Variants in CHST15 observed in about 807,000 individuals in gnomAD.
CHST15 encodes the protein carbohydrate sulfotransferase 15, also known as B cell RAG associated protein (GALNAC4S-6ST).
Under a neutral mutation model 53.6 loss-of-function variants are expected in CHST15, and 30 were observed. The ratio of observed to expected loss-of-function variants is 0.56; its 90% confidence interval spans 0.42 to 0.76. The LOEUF (loss-of-function observed/expected upper bound fraction) is 0.76, where lower values mean the gene tolerates loss of function less well. Among genes scored for constraint, CHST15 ranks in the 30% least tolerant of loss-of-function variants. The probability of loss-of-function intolerance (pLI) is 0.00; values close to 1 mark genes in which losing one functional copy is unlikely to be tolerated. For missense variants in CHST15, 627 were observed against 740.5 expected, an observed-to-expected ratio of 0.85 and a Z score of 1.78; for synonymous variants, 296 against 289.8, an observed-to-expected ratio of 1.02 and a Z score of -0.22.
In CHST15 at chr10:124,009,846, C is replaced by T; in HGVS notation, c.*303G>A. The T allele has an allele frequency of 8.4e-7, 1 of 1,187,152 alleles. No homozygotes were observed. The highest frequency in any genetic ancestry group is 1.9e-5 in the South Asian group (1 of 51,566). The allele number at this position is 1,187,152 out of a possible 1,614,324, so 73.5% of individuals were successfully genotyped here. On this transcript the variant is annotated 3_prime_UTR_variant, in exon 8 of 8. Coordinates refer to ENST00000435907, the MANE Select transcript of CHST15 (RefSeq NM_001270764.2). The stretch of plus-strand genomic sequence containing the variant: ...AGGCTGCCTTCCCTAGGTGTTCTCT[C>T]CACACCCAGTGCAGGCCAGCTGGCT...
At chr10:124,060,575 A>G (rs1948537191) in intron 1 of CHST15, among the ~76,000 whole-genome samples, 1 of 149,272 alleles carries the variant, frequency 6.7e-6, no homozygotes, top group Admixed American at 6.6e-5. Flanking sequence ...CAACCCCACC[A>G]GGAGTGTGCA....
At chr10:124,045,112 C>CAAAAAAAAAAAACAAAAAA (rs1947917011) in intron 2 of CHST15, among the ~76,000 whole-genome samples, 193 bp from the exon 3 acceptor site, 1 of 33,800 alleles carries the variant, frequency 3.0e-5, no homozygotes, top group Non-Finnish European at 6.8e-5. Flanking sequence ...CGCCGCCCCA[C>CAAAAAAAAAAAACAAAAAA]AAAAAAAAAA....
At chr10:124,081,380 G>GCA (rs1335888831) in intron 1 of CHST15, among the ~76,000 whole-genome samples, 3 of 146,806 alleles carry the variant, frequency 2.0e-5, no homozygotes, top group Non-Finnish European at 4.6e-5. Context: ...ATGCACGCAT[G>GCA]CACACACACA....
rs58739908 is a variant in CHST15, at chr10:124,066,460, G to GA, written c.-512-19737dup. On this transcript the variant is annotated intron_variant, in intron 1 of 7. Coordinates refer to ENST00000435907, the MANE Select transcript of CHST15 (RefSeq NM_001270764.2). ...CTCTTATGTAACTGGCTGGGGGAAA[G>GA]AAAAAAAAAAACGAGTTTACACGGT... Among the ~76,000 whole-genome samples, 1,758 of 145,784 alleles carry GA rather than the reference G, an allele frequency of 0.012. 66 individuals are homozygous for GA. In the East Asian group the frequency reaches 0.12, roughly 10 times the overall value.
chr10:124,053,227 T>A (rs1948262328), intron 1 of CHST15, among the ~76,000 whole-genome samples: 1 of 152,140 alleles, frequency 6.6e-6, no homozygotes, highest in South Asian at 2.1e-4. Flanking sequence ...GCTACAGGAG[T>A]GACGTATTTC....
At chr10:124,013,313 A>G (rs1371111291) in intron 6 of CHST15, among the ~76,000 whole-genome samples, 2 of 152,196 alleles carry the variant, frequency 1.3e-5, no homozygotes, top group African/African-American at 2.4e-5. Context: ...GGTCAGCCAC[A>G]GCATCTGCAT....
At chr10:124,090,858 G>T (rs1312518541) in intron 1 of CHST15, among the ~76,000 whole-genome samples, 1 of 152,230 alleles carries the variant, frequency 6.6e-6, no homozygotes, top group Non-Finnish European at 1.5e-5. Context: ...TATCCTGGAT[G>T]AATTACCCCT....
rs1350505320 is a variant in CHST15 at position 124,027,791 on chromosome 10, G to A, written c.1191-6379C>T. Among the ~76,000 whole-genome samples the A allele has an allele frequency of 2.0e-5, 3 of 152,168 alleles. No individual in the cohort carries two copies. In the East Asian group the frequency reaches 5.8e-4, roughly 29 times the overall value. On this transcript the variant is annotated intron_variant, in intron 5 of 7. Coordinates refer to ENST00000435907, the MANE Select transcript of CHST15 (RefSeq NM_001270764.2). ...TAAGGAGTTTGCCCATGGTCACGCA[G>A]CCCAGGAAGCTCCAGGGCAGGGCTG...
chr10:124,068,609 T>G (rs1198612483), intron 1 of CHST15, among the ~76,000 whole-genome samples: 2 of 152,242 alleles, frequency 1.3e-5, no homozygotes, highest in Admixed American at 1.3e-4. Flanking sequence ...ATGAATTACT[T>G]TGCTGTCTGT....
chr10:124,020,861 T>G, intron 6 of CHST15: 1 of 1,253,772 alleles, frequency 8.0e-7, no homozygotes, highest in Non-Finnish European at 1.0e-6. Flanking sequence ...TTGAAAATCA[T>G]TGATGGGTAG....
At chr10:124,086,481 T>A (rs576847405) in intron 1 of CHST15, among the ~76,000 whole-genome samples, 279 of 152,312 alleles carry the variant, frequency 1.8e-3, no homozygotes, top group Non-Finnish European at 3.1e-3. Flanking sequence ...CCTTTCCCCA[T>A]GGTAAGGAGG....
At chr10:124,015,961 C>A (rs1458221143) in intron 6 of CHST15, among the ~76,000 whole-genome samples, 2 of 152,212 alleles carry the variant, frequency 1.3e-5, no homozygotes, top group African/African-American at 2.4e-5. Context: ...CACAAACACC[C>A]ACCTGGAGGG....
At chr10:124,083,088 A>C (rs186446792) in intron 1 of CHST15, among the ~76,000 whole-genome samples, 32 of 152,366 alleles carry the variant, frequency 2.1e-4, no homozygotes, top group Non-Finnish European at 4.4e-4. Flanking sequence ...TGGTGTGTGC[A>C]TTACATTTCA....
intron 1 of CHST15, among the ~76,000 whole-genome samples, chr10:124,075,680 T>G (rs948411576): frequency 1.3e-5 from 2 of 152,148 alleles, no homozygotes; most frequent in Non-Finnish European, 2.9e-5. Flanking sequence ...CTCTTCCAAT[T>G]TAAAACCTGA....
intron 5 of CHST15, among the ~76,000 whole-genome samples, chr10:124,034,688 C>A: frequency 8.2e-6 from 1 of 121,582 alleles, no homozygotes; most frequent in Non-Finnish European, 1.7e-5. Context: ...TAACAGGGAC[C>A]CCGGCTCCAC....
chr10:124,023,261 G>C (rs1414427901), intron 5 of CHST15, among the ~76,000 whole-genome samples: 1 of 151,954 alleles, frequency 6.6e-6, no homozygotes, highest in Non-Finnish European at 1.5e-5. Context: ...GAGGTGGGAG[G>C]ATCACTTGAA....
intron 1 of CHST15, among the ~76,000 whole-genome samples, chr10:124,051,841 G>A (rs774555026): frequency 9.2e-5 from 14 of 152,268 alleles, no homozygotes; most frequent in Admixed American, 2.0e-4. Context: ...TTTAGATTAA[G>A]TAATTGAATG....
chr10:124,010,080 A>C lies in CHST15; in HGVS notation c.*69T>G. On this transcript the variant is annotated 3_prime_UTR_variant, in exon 8 of 8. Coordinates refer to ENST00000435907, the MANE Select transcript of CHST15 (RefSeq NM_001270764.2). ...TACCATGAGTGAAACAGTTCCCCGC[A>C]AAGAGATTTGTAAAATCCTGATGAT... The C allele has an allele frequency of 1.2e-6, 2 of 1,609,878 alleles. No homozygotes were observed. Among genetic ancestry groups the C allele is most frequent in the Non-Finnish European group, 1.7e-6 (2 of 1,178,688 alleles).
chr10:124,049,167 T>C (rs1047012974), intron 1 of CHST15, among the ~76,000 whole-genome samples: 1 of 152,154 alleles, frequency 6.6e-6, no homozygotes, highest in Non-Finnish European at 1.5e-5. Context: ...AACAGCTGAG[T>C]GTTGCGCATG....
Sources: gnomAD v4.1 joint callset for allele counts (sites outside exome capture counted in the v4.1 genomes callset) on GRCh38, gnomAD v4.1.1 for gene constraint, MANE v1.5 for transcripts, NCBI Gene and HGNC (gene_info 2026-07-23, HGNC 2026-07-21) for gene names.